Variants in SND1 observed in about 807,000 individuals in gnomAD.
The protein encoded by SND1 is staphylococcal nuclease domain-containing protein 1.
SND1 carries 38 observed loss-of-function variants against 121.7 expected under a neutral mutation model. The observed-to-expected ratio is 0.31, with a 90% CI of 0.24 to 0.41. The LOEUF (loss-of-function observed/expected upper bound fraction) is 0.41. Ranked by LOEUF, SND1 falls within the 10% of genes least tolerant of loss-of-function variation. The probability of loss-of-function intolerance (pLI) is 1.00; values close to 1 mark genes in which losing one functional copy is unlikely to be tolerated. For synonymous variants in SND1, 401 were observed against 447.4 expected (o/e 0.90, Z 1.31); for missense variants, 868 against 1,184.6 (o/e 0.73, Z 3.92).
intron 11 of SND1, among the ~76,000 whole-genome samples, chr7:127,843,421 C>T (rs1799000039): frequency 6.6e-6 from 1 of 152,152 alleles, no homozygotes; most frequent in Admixed American, 6.5e-5. Context: ...CCTTCTAACT[C>T]CTGGCAACCA....
At chr7:128,056,707 C>T (rs1793148716) in intron 16 of SND1, among the ~76,000 whole-genome samples, 1 of 152,186 alleles carries the variant, frequency 6.6e-6, no homozygotes, top group African/African-American at 2.4e-5. Context: ...CCCTTATCCA[C>T]AGGGAATACA....
chr7:127,712,656 G>A (rs971816461), intron 9 of SND1, among the ~76,000 whole-genome samples: 5 of 152,182 alleles, frequency 3.3e-5, no homozygotes, highest in African/African-American at 1.2e-4. Flanking sequence ...TTTAGCTTTT[G>A]TGAGTCAGTG....
intron 15 of SND1, among the ~76,000 whole-genome samples, chr7:127,959,620 A>G (rs1801680208): frequency 6.6e-6 from 1 of 152,112 alleles, no homozygotes; most frequent in Non-Finnish European, 1.5e-5. Context: ...TTCTCAATAA[A>G]TGTTTCTCCA....
intron 16 of SND1, among the ~76,000 whole-genome samples, chr7:128,055,210 G>C (rs1312167494): frequency 6.6e-6 from 1 of 152,266 alleles, no homozygotes; most frequent in Admixed American, 6.5e-5. Flanking sequence ...AGGTGGGCCG[G>C]GTTCTGTTCT....
At chr7:128,014,343 C>T (rs143901904) in intron 16 of SND1, among the ~76,000 whole-genome samples, 2 of 152,280 alleles carry the variant, frequency 1.3e-5, no homozygotes, top group East Asian at 3.9e-4. Context: ...GAAGGAAGTC[C>T]TGTCACCACC....
chr7:127,941,126 C>CA (rs1801190805), intron 15 of SND1, among the ~76,000 whole-genome samples: 1 of 152,206 alleles, frequency 6.6e-6, no homozygotes, highest in African/African-American at 2.4e-5. Flanking sequence ...CAACTGCATT[C>CA]TCTCCGTCAT....
chr7:128,032,326 T>G (rs1399432064), intron 16 of SND1, among the ~76,000 whole-genome samples: 7 of 108,444 alleles, frequency 6.5e-5, no homozygotes, highest in South Asian at 7.5e-4. Context: ...CCCTCCCCCC[T>G]CCCCGGGCCG....
intron 16 of SND1, among the ~76,000 whole-genome samples, chr7:128,045,426 A>G (rs1221260806): frequency 6.6e-6 from 1 of 152,064 alleles, no homozygotes; most frequent in Non-Finnish European, 1.5e-5. Flanking sequence ...GCTCTACATC[A>G]AGGAGCCTGA....
intron 15 of SND1, among the ~76,000 whole-genome samples, chr7:127,989,194 G>GTGAT (rs1802464080): frequency 6.6e-6 from 1 of 152,158 alleles, no homozygotes; most frequent in Non-Finnish European, 1.5e-5. Context: ...GGCAGCCCTG[G>GTGAT]TGATCTTCTT....
intron 1 of SND1, among the ~76,000 whole-genome samples, chr7:127,654,767 G>A (rs1462028348): frequency 6.6e-6 from 1 of 152,168 alleles, no homozygotes; most frequent in African/African-American, 2.4e-5. Flanking sequence ...TACAGGGGTT[G>A]GGTGAGTTAC....
intron 14 of SND1, among the ~76,000 whole-genome samples, chr7:127,905,462 C>T (rs971193623): frequency 6.6e-6 from 1 of 152,086 alleles, no homozygotes; most frequent in African/African-American, 2.4e-5. Flanking sequence ...CTAGTTTATT[C>T]ATTTAGTCAA....
chr7:127,803,595 C>T (rs553803826), intron 10 of SND1, among the ~76,000 whole-genome samples: 102 of 152,060 alleles, frequency 6.7e-4, no homozygotes, highest in African/African-American at 2.4e-3. Context: ...TTCATTTCTC[C>T]CTCATTTATA....
intron 10 of SND1, among the ~76,000 whole-genome samples, chr7:127,735,143 T>TCAGGG (rs1365183099): frequency 1.3e-5 from 2 of 152,172 alleles, no homozygotes; most frequent in African/African-American, 4.8e-5. Flanking sequence ...GACAACTTGC[T>TCAGGG]CAGGGTTCCT....
intron 16 of SND1, among the ~76,000 whole-genome samples, chr7:128,013,166 C>T (rs1461432015): frequency 6.6e-6 from 1 of 152,196 alleles, no homozygotes; most frequent in East Asian, 1.9e-4. Context: ...TGTGTGGCCT[C>T]ATCTGTGTTT....
intron 15 of SND1, among the ~76,000 whole-genome samples, chr7:127,945,802 T>C (rs1345392977): frequency 1.3e-5 from 2 of 152,240 alleles, no homozygotes; most frequent in African/African-American, 2.4e-5. Flanking sequence ...ATTAACTCAT[T>C]TGATCCTTAC....
rs1242560686 is a variant in SND1, at chr7:127,991,568, T to G, written c.1779+512T>G. On this transcript the variant is annotated intron_variant, in intron 16 of 23. Transcript: ENST00000354725. ...GCTGTGGTGCCCTTCTACCTGCTAA[T>G]TTTGCTCAAGCCTTCATCAACAGAT... Among the ~76,000 whole-genome samples, 4 of 152,204 alleles carry G rather than the reference T, an allele frequency of 2.6e-5. No individual in the cohort carries two copies. In the East Asian group the frequency reaches 7.7e-4, roughly 29 times the overall value.
intron 16 of SND1, among the ~76,000 whole-genome samples, chr7:128,064,824 C>CT (rs1793286975): frequency 6.6e-6 from 1 of 151,818 alleles, no homozygotes; most frequent in African/African-American, 2.4e-5. Flanking sequence ...AAACACAGGC[C>CT]TAAAAAAAGA....
rs1203983325 is a variant in SND1, at chr7:128,084,783, G to A, written c.2170G>A (p.Val724Ile). The A allele has an allele frequency of 4.3e-6, 7 of 1,610,772 alleles. No individual in the cohort carries two copies. Among genetic ancestry groups the A allele is most frequent in the Non-Finnish European group, 5.1e-6 (6 of 1,177,770 alleles). ...MRNDIASHPP[V>I]EGSYAPRRGE... Reference sequence around the variant, plus strand: ...CAATGACATTGCCAGTCACCCCCCTGTAGAGGGCTCCTATGCCCCCCGCAG... The same window carrying A: ...CAATGACATTGCCAGTCACCCCCCTATAGAGGGCTCCTATGCCCCCCGCAG... The change falls in exon 19 of 24, where the codon GTA becomes ATA. Residue 724 changes from valine (V) to isoleucine (I), a missense_variant. Physicochemically the swap from Val to Ile is conservative, Grantham distance 29. Around this residue, in one of 2 missense-constraint regions of SND1, gnomAD observed 743 missense variants for 1,071.3 expected, o/e 0.69. Transcript: ENST00000354725.
intron 12 of SND1, among the ~76,000 whole-genome samples, chr7:127,859,108 G>C (rs2116678605): frequency 1.3e-5 from 2 of 152,148 alleles, no homozygotes; most frequent in East Asian, 3.9e-4. Context: ...TTCTGTCTTG[G>C]GATATGTGTT....
Sources: gnomAD v4.1 joint callset for allele counts (sites outside exome capture counted in the v4.1 genomes callset) on GRCh38, gnomAD v4.1.1 for gene constraint, gnomAD v4.1.1 regional missense constraint, MANE v1.5 for transcripts, NCBI Gene and HGNC (gene_info 2026-07-23, HGNC 2026-07-21) for gene names.